The following SMYD3 variants were observed in gnomAD, a reference collection of about 807,000 sequenced individuals.
SMYD3 encodes the protein SET and MYND domain containing 3, also known as histone-lysine N-methyltransferase SMYD3.
A neutral mutation model predicts 57.7 loss-of-function variants in SMYD3; 36 were observed. The ratio of observed to expected loss-of-function variants is 0.62; its 90% CI spans 0.48 to 0.82. The LOEUF is 0.82. SMYD3 is among the 40% of genes least tolerant of loss of function. The pLI is 0.00. For synonymous variants in SMYD3, 211 were observed against 195.0 expected (o/e 1.08, Z -0.68); for missense variants, 515 against 538.8 (o/e 0.96, Z 0.44).
At chr1:246,375,420 T>C (rs10924712) in intron 1 of SMYD3, among the ~76,000 whole-genome samples, 18,679 of 137,712 alleles carry the variant, frequency 0.14, 1,498 homozygotes, top group East Asian at 0.23. Context: ...CTCTGTTACA[T>C]CAAATAGCCA....
At chr1:245,857,838 C>A (rs1342867795) in intron 10 of SMYD3, among the ~76,000 whole-genome samples, 2 of 152,136 alleles carry the variant, frequency 1.3e-5, no homozygotes, top group African/African-American at 4.8e-5. Context: ...TTCAACACTA[C>A]CCCCTTCAAT....
At chr1:245,894,094 A>T (rs1268048421) in intron 8 of SMYD3, among the ~76,000 whole-genome samples, 1 of 152,110 alleles carries the variant, frequency 6.6e-6, no homozygotes, top group Non-Finnish European at 1.5e-5. Flanking sequence ...TGGAGTGGGG[A>T]ATTGGAGAAC....
At chr1:246,356,413 G>A (rs891776844) in intron 1 of SMYD3, among the ~76,000 whole-genome samples, 5 of 152,030 alleles carry the variant, frequency 3.3e-5, no homozygotes, top group Admixed American at 6.6e-5. Context: ...AGATCACACC[G>A]GCTCACCAGC....
intron 1 of SMYD3, among the ~76,000 whole-genome samples, chr1:246,468,648 AG>A (rs2067914788): frequency 6.6e-6 from 1 of 152,090 alleles, no homozygotes. Flanking sequence ...CTCCAAAAAA[AG>A]GAAAAAAAAT....
At chr1:246,406,071 T>C (rs1183912190) in intron 1 of SMYD3, among the ~76,000 whole-genome samples, 1 of 151,994 alleles carries the variant, frequency 6.6e-6, no homozygotes, top group African/African-American at 2.4e-5. Context: ...AACTCTCTCA[T>C]TCTCCTGTAG....
chr1:245,793,271 T>A (rs1004660989), intron 10 of SMYD3, among the ~76,000 whole-genome samples: 1 of 151,494 alleles, frequency 6.6e-6, no homozygotes, highest in South Asian at 2.1e-4. Flanking sequence ...ATCGTGCCAC[T>A]GCACTCCAGC....
At chr1:246,307,825 A>C (rs1386976686) in intron 5 of SMYD3, among the ~76,000 whole-genome samples, 2 of 152,154 alleles carry the variant, frequency 1.3e-5, no homozygotes, top group Non-Finnish European at 2.9e-5. Flanking sequence ...GGGAAACCTG[A>C]AATCAACTGC....
At chr1:245,932,154 C>G (rs1416967244) in intron 5 of SMYD3, among the ~76,000 whole-genome samples, 1 of 152,094 alleles carries the variant, frequency 6.6e-6, no homozygotes, top group Non-Finnish European at 1.5e-5. Context: ...AATCCACCAA[C>G]AAAAAAACCA....
intron 5 of SMYD3, among the ~76,000 whole-genome samples, chr1:246,290,667 G>A (rs1018557317): frequency 3.9e-5 from 6 of 152,070 alleles, no homozygotes; most frequent in African/African-American, 1.4e-4. Flanking sequence ...CAAGGCAGAA[G>A]GAATAAAAGC....
intron 5 of SMYD3, among the ~76,000 whole-genome samples, chr1:246,071,065 A>C (rs551887142): frequency 6.6e-6 from 1 of 152,368 alleles, no homozygotes; most frequent in East Asian, 1.9e-4. Context: ...TTACAATAGG[A>C]TAAATTAATT....
At chr1:245,982,757 C>T (rs750193827) in intron 5 of SMYD3, among the ~76,000 whole-genome samples, 1 of 152,144 alleles carries the variant, frequency 6.6e-6, no homozygotes, top group Non-Finnish European at 1.5e-5. Context: ...AGCAAAAACT[C>T]AGACAAGAAT....
intron 10 of SMYD3, among the ~76,000 whole-genome samples, chr1:245,817,228 G>A (rs1486135890): frequency 9.0e-5 from 13 of 145,150 alleles, no homozygotes; most frequent in African/African-American, 3.4e-4. Context: ...TCCTCAAGTG[G>A]GTCCCTGACC....
At chr1:246,068,662 T>C (rs2148374958) in intron 5 of SMYD3, among the ~76,000 whole-genome samples, 1 of 152,372 alleles carries the variant, frequency 6.6e-6, no homozygotes, top group South Asian at 2.1e-4. Flanking sequence ...ATGAGTTTAC[T>C]GTTCATAATA....
intron 5 of SMYD3, among the ~76,000 whole-genome samples, chr1:245,995,515 G>A (rs1161949809): frequency 1.3e-5 from 2 of 152,246 alleles, no homozygotes; most frequent in African/African-American, 4.8e-5. Flanking sequence ...TGTAGGGCTG[G>A]ATGATATTTC....
chr1:245,857,022 C>T (rs1202672567), intron 10 of SMYD3, among the ~76,000 whole-genome samples: 7 of 152,226 alleles, frequency 4.6e-5, no homozygotes, highest in East Asian at 1.9e-4. Flanking sequence ...TCGTATTTTC[C>T]GAGAACCCAC....
rs189099476 is a variant in SMYD3 at position 245,891,352 on chromosome 1, G to A, written c.813+24178C>T. On this transcript the variant is annotated intron_variant, in intron 8 of 11. Transcript: ENST00000490107. ...ATCTCATGTACCCATAAATATACACGCCTACTCTGTAGCCATAAACATTCA... is the reference window on the plus strand; with the variant it reads ...ATCTCATGTACCCATAAATATACACACCTACTCTGTAGCCATAAACATTCA... Among the ~76,000 whole-genome samples the A allele has an allele frequency of 2.0e-4, 30 of 152,118 alleles. No homozygotes were observed. The East Asian group carries it at 3.7e-3, about 19-fold the overall frequency.
chr1:245,895,494 G>C (rs2053711245), intron 8 of SMYD3, among the ~76,000 whole-genome samples: 1 of 147,550 alleles, frequency 6.8e-6, no homozygotes, highest in Non-Finnish European at 1.5e-5. Flanking sequence ...TAGCAAAATA[G>C]AGTAAGGCAG....
intron 5 of SMYD3, among the ~76,000 whole-genome samples, chr1:245,950,435 C>G (rs911255154): frequency 1.3e-5 from 2 of 152,140 alleles, no homozygotes; most frequent in African/African-American, 2.4e-5. Context: ...TCTGTAACAG[C>G]AGGATCTGAG....
intron 5 of SMYD3, among the ~76,000 whole-genome samples, chr1:246,319,945 G>A (rs1366650143): frequency 6.6e-6 from 1 of 152,172 alleles, no homozygotes; most frequent in Non-Finnish European, 1.5e-5. Context: ...GGAGGTTATA[G>A]CAGAATATCA....
Sources: allele counts gnomAD v4.1 joint callset (sites outside exome capture counted in the v4.1 genomes callset), GRCh38; gene constraint gnomAD v4.1.1; transcripts MANE v1.5; gene names NCBI Gene and HGNC (gene_info 2026-07-23, HGNC 2026-07-21).